The following TRIM44 variants were observed in gnomAD, a reference collection of about 807,000 sequenced individuals.
The protein encoded by TRIM44 is tripartite motif-containing protein 44.
A neutral mutation model predicts 37.4 loss-of-function variants in TRIM44; 13 were observed. That is an observed-to-expected ratio of 0.35 (90% CI 0.23 to 0.55). TRIM44 has a LOEUF of 0.55. Among genes scored for constraint, TRIM44 ranks in the 20% least tolerant of loss-of-function variants. The pLI is 0.89. For missense variants in TRIM44, 426 were observed against 437.2 expected, an observed-to-expected ratio of 0.97 and a Z score of 0.23; for synonymous variants, 175 against 157.2, an observed-to-expected ratio of 1.11 and a Z score of -0.85.
intron 4 of TRIM44, among the ~76,000 whole-genome samples, chr11:35,789,160 T>C (rs965381014): frequency 6.6e-5 from 10 of 152,168 alleles, no homozygotes; most frequent in African/African-American, 1.4e-4. Flanking sequence ...TGAGTGAAGA[T>C]TGCAGTGGAA....
At chr11:35,743,325 C>T (rs75002905) in intron 4 of TRIM44, among the ~76,000 whole-genome samples, 1,602 of 152,226 alleles carry the variant, frequency 0.011, 32 homozygotes, top group African/African-American at 0.037. Flanking sequence ...TTACGCTTTA[C>T]CTCTTGACTA....
chr11:35,787,992 T>C (rs1310856309), intron 4 of TRIM44, among the ~76,000 whole-genome samples: 1 of 152,224 alleles, frequency 6.6e-6, no homozygotes. Context: ...TGCCAGCCTA[T>C]GGCAGTTGTT....
intron 2 of TRIM44, among the ~76,000 whole-genome samples, chr11:35,720,601 T>A (rs1382269141): frequency 2.0e-5 from 3 of 152,212 alleles, no homozygotes; most frequent in African/African-American, 7.2e-5. Context: ...AGAGGGGACA[T>A]CCTTGCCTTG....
intron 4 of TRIM44, among the ~76,000 whole-genome samples, chr11:35,795,827 A>T (rs1035873725): frequency 1.3e-5 from 2 of 152,178 alleles, no homozygotes; most frequent in Non-Finnish European, 2.9e-5. Context: ...AGTCTCTCTT[A>T]GTCTTGGTTT....
At chr11:35,741,569 A>G (rs891835288) in intron 4 of TRIM44, among the ~76,000 whole-genome samples, 1 of 152,154 alleles carries the variant, frequency 6.6e-6, no homozygotes, top group Non-Finnish European at 1.5e-5. Context: ...TAATGCTAAG[A>G]AAAAAGGGCC....
At chr11:35,774,874 T>C (rs1257762062) in intron 4 of TRIM44, among the ~76,000 whole-genome samples, 1 of 152,228 alleles carries the variant, frequency 6.6e-6, no homozygotes, top group Non-Finnish European at 1.5e-5. Flanking sequence ...ACTGGAGCTT[T>C]GTAGTATAGT....
chr11:35,767,567 T>C (rs1423941977), intron 4 of TRIM44, among the ~76,000 whole-genome samples: 1 of 152,022 alleles, frequency 6.6e-6, no homozygotes, highest in East Asian at 2.0e-4. Flanking sequence ...GGAAATATTA[T>C]GAGAATAATG....
chr11:35,674,408 A>G (rs1408945932), intron 1 of TRIM44, among the ~76,000 whole-genome samples: 1 of 152,178 alleles, frequency 6.6e-6, no homozygotes, highest in Non-Finnish European at 1.5e-5. Context: ...CAATCAAACA[A>G]AATTTCCCAA....
At chr11:35,703,415 C>G (rs994949199) in intron 2 of TRIM44, among the ~76,000 whole-genome samples, 1 of 152,232 alleles carries the variant, frequency 6.6e-6, no homozygotes, top group Non-Finnish European at 1.5e-5. Context: ...CAGTGGTTCT[C>G]TCAGCATGCA....
intron 4 of TRIM44, among the ~76,000 whole-genome samples, chr11:35,749,739 A>G (rs540691411): frequency 5.1e-4 from 78 of 152,222 alleles, no homozygotes; most frequent in Non-Finnish European, 5.0e-4. Flanking sequence ...CTATGAGGTT[A>G]CCCTTGATTT....
At chr11:35,690,520 A>C (rs542778100) in intron 2 of TRIM44, among the ~76,000 whole-genome samples, 70 of 152,344 alleles carry the variant, frequency 4.6e-4, no homozygotes, top group Non-Finnish European at 9.1e-4. Context: ...CTGTGCCAAA[A>C]AAGAAGTATT....
chr11:35,817,463 T>C lies in TRIM44; in HGVS notation c.*11078T>C, dbSNP rs1425321336. ...CTAACACGGTAAGATCTTAGCAAAG[T>C]AAAAAGGACAGTGATAACAGAAAAA... On this transcript the variant is annotated 3_prime_UTR_variant, in exon 5 of 5. Coordinates refer to ENST00000299413, the MANE Select transcript of TRIM44 (RefSeq NM_017583.6). The C allele has an allele frequency of 6.6e-6, 1 of 152,134 alleles. No individual in the cohort carries two copies. Among genetic ancestry groups the C allele is most frequent in the Admixed American group, 6.5e-5 (1 of 15,268 alleles). 9.4% of individuals were successfully genotyped at this position (152,134 alleles called of 1,614,324 possible).
intron 1 of TRIM44, among the ~76,000 whole-genome samples, chr11:35,667,406 G>A (rs1358786037): frequency 6.6e-6 from 1 of 152,196 alleles, no homozygotes; most frequent in African/African-American, 2.4e-5. Context: ...ATCTTACTCT[G>A]TTGATCAGGC....
intron 1 of TRIM44, among the ~76,000 whole-genome samples, chr11:35,666,495 A>G (rs1482872050): frequency 6.6e-6 from 1 of 152,162 alleles, no homozygotes; most frequent in Non-Finnish European, 1.5e-5. Context: ...CTGATTCATT[A>G]ATTTAGGTCT....
At chr11:35,774,084 A>G (rs192247779) in intron 4 of TRIM44, among the ~76,000 whole-genome samples, 160 of 152,314 alleles carry the variant, frequency 1.1e-3, no homozygotes, top group African/African-American at 3.7e-3. Context: ...TTACAGTCCC[A>G]CCAACAGTGT....
At chr11:35,691,190 A>T (rs757585494) in intron 2 of TRIM44, among the ~76,000 whole-genome samples, 5 of 152,242 alleles carry the variant, frequency 3.3e-5, no homozygotes, top group Non-Finnish European at 5.9e-5. Flanking sequence ...GTGCTTCCAC[A>T]GTTTGACCCG....
At chr11:35,801,195 G>T (rs1440426614) in intron 4 of TRIM44, among the ~76,000 whole-genome samples, 1 of 152,222 alleles carries the variant, frequency 6.6e-6, no homozygotes, top group Non-Finnish European at 1.5e-5. Context: ...CACTTCCTCA[G>T]ATACTGAAAG....
chr11:35,688,024 T>A (rs1851600784), intron 2 of TRIM44, among the ~76,000 whole-genome samples: 1 of 152,188 alleles, frequency 6.6e-6, no homozygotes, highest in Admixed American at 6.5e-5. Flanking sequence ...AATATATAAT[T>A]TCTGCACAAA....
chr11:35,778,832 C>G (rs533211507), intron 4 of TRIM44, among the ~76,000 whole-genome samples: 23 of 152,328 alleles, frequency 1.5e-4, no homozygotes, highest in Non-Finnish European at 2.4e-4. Context: ...GGGCACCTGG[C>G]TGTATGAGGT....
Sources: allele counts gnomAD v4.1 joint callset (sites outside exome capture counted in the v4.1 genomes callset), GRCh38; gene constraint gnomAD v4.1.1; transcripts MANE v1.5; gene names NCBI Gene and HGNC (gene_info 2026-07-23, HGNC 2026-07-21).